NCOR1: variants seen among roughly 807,000 people sequenced by gnomAD.
NCOR1 encodes nuclear receptor corepressor 1.
In NCOR1, 63 loss-of-function variants were observed where a neutral mutation model predicts 288.1. The observed-to-expected ratio is 0.22, with a 90% CI of 0.18 to 0.27. The LOEUF (loss-of-function observed/expected upper bound fraction) is 0.27, where lower values mean the gene tolerates loss of function less well. Among genes scored for constraint, NCOR1 ranks in the 10% least tolerant of loss-of-function variants. The pLI is 1.00. For synonymous variants in NCOR1, 1,007 were observed against 1,065.9 expected, an observed-to-expected ratio of 0.94 and a Z score of 1.08; for missense variants, 2,397 against 3,019.2, an observed-to-expected ratio of 0.79 and a Z score of 4.83.
At chr17:16,051,666 C>T (rs746795118) in intron 40 of NCOR1, among the ~76,000 whole-genome samples, 5 of 152,042 alleles carry the variant, frequency 3.3e-5, no homozygotes, top group South Asian at 2.1e-4. Flanking sequence ...AATCCCAGCA[C>T]GTGGGGACGC....
In NCOR1 at chr17:16,126,898, G is replaced by C. The variant is rs1488020391; in HGVS notation, c.1510-692C>G. ...ACTACAGTAGCCCCCACCATATCAG[G>C]AGTTTCTCTTTCTGTGGTTTCAGTT... is the stretch of plus-strand genomic sequence containing the variant. On this transcript the variant is annotated intron_variant, in intron 14 of 45. Coordinates refer to ENST00000268712, the MANE Select transcript of NCOR1 (RefSeq NM_006311.4). Among the ~76,000 whole-genome samples, 5 of 152,140 alleles carry C rather than the reference G, an allele frequency of 3.3e-5. No homozygotes were observed. The East Asian group carries it at 9.6e-4, about 29-fold the overall frequency.
Position 16,126,176 on chromosome 17 carries a change from C to G in NCOR1, c.1540G>C (p.Val514Leu). 6.5e-7 allele frequency: 1 copy of G among 1,538,278 alleles called. No homozygotes were observed. Among genetic ancestry groups the G allele is most frequent in the Non-Finnish European group, 8.7e-7 (1 of 1,147,836 alleles). The change falls in exon 15 of 46, where the codon GTA becomes CTA. Residue 514 changes from valine to leucine, a missense_variant. Physicochemically the swap from Val to Leu is conservative, Grantham distance 32. Around this residue, in one of 11 missense-constraint regions of NCOR1, gnomAD observed 113 missense variants for 139.5 expected, o/e 0.81. Coordinates refer to ENST00000268712, the MANE Select transcript of NCOR1 (RefSeq NM_006311.4). ...QIARPSQEEK[V>L]EEKEEDKAEK... ...GCTTTATCCTCTTCTTTTTCTTCTACTTTTTCTTCTTGCGAGGGTCGAGCA... is the reference window on the plus strand; with the variant it reads ...GCTTTATCCTCTTCTTTTTCTTCTAGTTTTTCTTCTTGCGAGGGTCGAGCA...
chr17:16,097,621 C>T (rs963569688), intron 21 of NCOR1, among the ~76,000 whole-genome samples: 2 of 152,208 alleles, frequency 1.3e-5, no homozygotes, highest in Non-Finnish European at 2.9e-5. Context: ...AAGCTCCACA[C>T]CCCTTCTGCA....
chr17:16,055,088 A>G (rs4792719), intron 40 of NCOR1, among the ~76,000 whole-genome samples: 65,269 of 152,110 alleles, frequency 0.43, 15,692 homozygotes, highest in Middle Eastern at 0.57. Flanking sequence ...AGTGTAAATT[A>G]GTTCAACCAC....
intron 44 of NCOR1, among the ~76,000 whole-genome samples, chr17:16,038,091 ATC>A (rs963050860): frequency 1.6e-4 from 24 of 152,196 alleles, no homozygotes; most frequent in African/African-American, 5.5e-4. Flanking sequence ...AAGACCTCTA[ATC>A]TCTTTAATCT....
chr17:16,108,598 T>C (rs1460592387), intron 19 of NCOR1, among the ~76,000 whole-genome samples, 188 bp downstream of exon 19: 1 of 152,202 alleles, frequency 6.6e-6, no homozygotes, highest in Admixed American at 6.5e-5. Flanking sequence ...TTCTGGACCA[T>C]CCTAGGTGCT....
chr17:16,155,983 TA>T (rs1157470439), intron 6 of NCOR1, among the ~76,000 whole-genome samples: 2 of 152,072 alleles, frequency 1.3e-5, no homozygotes, highest in Admixed American at 1.3e-4. Flanking sequence ...GGTACATGTA[TA>T]AAACATACAT....
chr17:16,047,565 G>A (rs1245245094), intron 41 of NCOR1, among the ~76,000 whole-genome samples: 1 of 152,106 alleles, frequency 6.6e-6, no homozygotes, highest in South Asian at 2.1e-4. Flanking sequence ...TCAACAGCTG[G>A]ACTGGAACAC....
chr17:16,127,342 T>TATGTATATATGTATGTATATATAC lies in NCOR1; in HGVS notation c.1510-1160_1510-1137dup, dbSNP rs2074496487. Among the ~76,000 whole-genome samples, 5 of 129,354 alleles carry TATGTATATATGTATGTATATATAC rather than the reference T, an allele frequency of 3.9e-5. 1 individual carries two copies. Among genetic ancestry groups the TATGTATATATGTATGTATATATAC allele is most frequent in the African/African-American group, 3.5e-5 (1 of 28,676 alleles). The allele number at this position is 129,354 out of a possible 152,430, so 84.9% of individuals were successfully genotyped here. On this transcript the variant is annotated intron_variant, in intron 14 of 45. Transcript: ENST00000268712. ...GTATATATGTATGTATATATACATG[T>TATGTATATATGTATGTATATATAC]ATGTATATATGTATGTATATATACA...
At chr17:16,174,791 T>G (rs887385391) in intron 3 of NCOR1, among the ~76,000 whole-genome samples, 1 of 152,182 alleles carries the variant, frequency 6.6e-6, no homozygotes, top group Non-Finnish European at 1.5e-5. Flanking sequence ...CCTTTTAAAA[T>G]TAACACCAGT....
rs73981446 is a variant in NCOR1 at position 16,093,800 on chromosome 17, G to T, written c.2821-1742C>A. Among the ~76,000 whole-genome samples the T allele has an allele frequency of 7.2e-3, 1,102 of 152,188 alleles. 13 individuals are homozygous for T. Among genetic ancestry groups the T allele is most frequent in the African/African-American group, 0.026 (1,061 of 41,524 alleles). ...AATATTATTTCTTATGCAGTCTTCT[G>T]TAAGTGTCTAATTAAGAAGACACTC... On this transcript the variant is annotated intron_variant, in intron 21 of 45. Coordinates refer to ENST00000268712, the MANE Select transcript of NCOR1 (RefSeq NM_006311.4).
chr17:16,133,214 C>T (rs2075913222), intron 14 of NCOR1, among the ~76,000 whole-genome samples: 1 of 152,134 alleles, frequency 6.6e-6, no homozygotes, highest in African/African-American at 2.4e-5. Context: ...AGTGATCCAC[C>T]CGCCCTGGAC....
intron 15 of NCOR1, among the ~76,000 whole-genome samples, chr17:16,123,224 C>T (rs2073352943): frequency 6.6e-6 from 1 of 152,180 alleles, no homozygotes; most frequent in Non-Finnish European, 1.5e-5. Flanking sequence ...CATCATCATT[C>T]AGGTTTACAG....
intron 1 of NCOR1, among the ~76,000 whole-genome samples, chr17:16,210,249 T>C (rs529651170): frequency 1.3e-5 from 2 of 151,990 alleles, no homozygotes; most frequent in East Asian, 3.9e-4. Context: ...CAGGGCGTGG[T>C]GGTGCATGCC....
At position 16,186,672 on chromosome 17, in the gene NCOR1, C is replaced by T; in HGVS notation, c.124G>A (p.Asp42Asn). 6.2e-7 allele frequency: 1 copy of T among 1,613,224 alleles called. No homozygotes were observed. Among genetic ancestry groups the T allele is most frequent in the Non-Finnish European group, 8.5e-7 (1 of 1,179,608 alleles). ...TRHQQEFAVPDYRSSHLEVSQ... is the reference protein window; with the variant it reads ...TRHQQEFAVPNYRSSHLEVSQ... ...ACTTCAAGATGAGAGGAACGATAAT[C>T]AGGGACTGCGAACTCCTAGTATTAA... Residue 42 changes from aspartate to asparagine, a missense_variant, in exon 3 of 46, where the codon GAT becomes AAT. By Grantham distance (23) the Asp-to-Asn change is conservative. Coordinates refer to ENST00000268712, the MANE Select transcript of NCOR1 (RefSeq NM_006311.4).
intron 19 of NCOR1, among the ~76,000 whole-genome samples, chr17:16,105,920 C>T (rs1393681711): frequency 6.6e-6 from 1 of 152,012 alleles, no homozygotes; most frequent in East Asian, 1.9e-4. Context: ...ACCAACGTAG[C>T]GAAACCCCAT....
intron 40 of NCOR1, among the ~76,000 whole-genome samples, chr17:16,054,209 G>A (rs1028486957): frequency 2.0e-5 from 3 of 151,928 alleles, no homozygotes; most frequent in African/African-American, 7.3e-5. Flanking sequence ...TTGACAAGTG[G>A]GATCTAATTT....
chr17:16,124,668 T>C (rs890695337), intron 15 of NCOR1, among the ~76,000 whole-genome samples: 1 of 152,216 alleles, frequency 6.6e-6, no homozygotes, highest in Non-Finnish European at 1.5e-5. Context: ...GGCAGAATCA[T>C]AGGTTAATTT....
intron 3 of NCOR1, 65 bp downstream of exon 3, chr17:16,186,489 T>C: frequency 6.7e-7 from 1 of 1,497,454 alleles, no homozygotes; most frequent in Non-Finnish European, 9.0e-7. Flanking sequence ...AAAAATAAAA[T>C]AATGACAAAC....
Sources: gnomAD v4.1 joint callset for allele counts (sites outside exome capture counted in the v4.1 genomes callset) on GRCh38, gnomAD v4.1.1 for gene constraint, gnomAD v4.1.1 regional missense constraint, MANE v1.5 for transcripts, NCBI Gene and HGNC (gene_info 2026-07-23, HGNC 2026-07-21) for gene names.